The following GRID2 variants were observed in gnomAD, a reference collection of about 807,000 sequenced individuals.
GRID2 encodes glutamate ionotropic receptor delta type subunit 2, also known as glutamate receptor ionotropic, delta-2.
GRID2 carries 33 observed loss-of-function variants against 114.8 expected under a neutral mutation model. The ratio of observed to expected loss-of-function variants is 0.29; its 90% CI spans 0.22 to 0.38. The LOEUF (loss-of-function observed/expected upper bound fraction) is 0.38, where lower values mean the gene tolerates loss of function less well. GRID2 is among the 10% of genes least tolerant of loss of function. GRID2 has a pLI of 1.00. For missense variants in GRID2, 1,184 were observed against 1,257.7 expected, an observed-to-expected ratio of 0.94 and a Z score of 0.89; for synonymous variants, 505 against 449.9, an observed-to-expected ratio of 1.12 and a Z score of -1.55.
At chr4:92,315,356 C>T (rs1175569025) in intron 1 of GRID2, among the ~76,000 whole-genome samples, 1 of 151,980 alleles carries the variant, frequency 6.6e-6, no homozygotes, top group East Asian at 1.9e-4. Flanking sequence ...GGGTAGGAGT[C>T]TTATAGTTTG....
chr4:92,666,901 G>A (rs1600321), intron 2 of GRID2, among the ~76,000 whole-genome samples: 151,317 of 151,404 alleles, frequency 1, 75,615 homozygotes, highest in Middle Eastern at 1. Context: ...TAGCAAGAGT[G>A]GGTGCCTGCC....
chr4:92,458,809 C>T (rs985491490), intron 1 of GRID2, among the ~76,000 whole-genome samples: 7 of 152,070 alleles, frequency 4.6e-5, no homozygotes, highest in Admixed American at 4.6e-4. Flanking sequence ...TGTCAGAGTT[C>T]AAAATCTATT....
chr4:93,441,963 G>A lies in GRID2; in HGVS notation c.1546-13699G>A, dbSNP rs141538346. On this transcript the variant is annotated intron_variant, in intron 10 of 15. Transcript: ENST00000282020. ...TCCCTCTAGCAGTGTGAGGACATCT[G>A]AGTGTCTCTCCTACTCATTTTATAT... 4.9e-3 allele frequency among the ~76,000 whole-genome samples: 746 copies of A among 152,114 alleles called. 3 individuals are homozygous for A. The highest frequency in any genetic ancestry group is 8.7e-3 in the Non-Finnish European group (588 of 67,954).
chr4:93,628,795 C>A (rs1742973170), intron 14 of GRID2, among the ~76,000 whole-genome samples: 1 of 125,838 alleles, frequency 7.9e-6, no homozygotes, highest in Non-Finnish European at 1.6e-5. Flanking sequence ...GACATTGTTT[C>A]GCTCTTGTCA....
intron 8 of GRID2, among the ~76,000 whole-genome samples, chr4:93,266,871 A>G (rs1156322175): frequency 6.6e-6 from 1 of 152,178 alleles, no homozygotes; most frequent in Admixed American, 6.5e-5. Flanking sequence ...TGGCATAGAA[A>G]GATTACAAAT....
chr4:93,456,828 C>A (rs911385620), intron 11 of GRID2, among the ~76,000 whole-genome samples: 3 of 152,158 alleles, frequency 2.0e-5, no homozygotes, highest in African/African-American at 7.2e-5. Flanking sequence ...CATTTAACTT[C>A]ATTTTTCTAT....
chr4:92,453,121 C>T (rs1721029062), intron 1 of GRID2, among the ~76,000 whole-genome samples: 1 of 151,720 alleles, frequency 6.6e-6, no homozygotes, highest in African/African-American at 2.4e-5. Context: ...CAGAATTTAT[C>T]ATGCAAGAGA....
At chr4:93,321,321 A>G (rs961452778) in intron 8 of GRID2, among the ~76,000 whole-genome samples, 1 of 151,768 alleles carries the variant, frequency 6.6e-6, no homozygotes, top group Admixed American at 6.6e-5. Flanking sequence ...CCCTAATTAT[A>G]AAAAAAAGCC....
In GRID2 at chr4:92,558,648, TG is replaced by T. The variant is rs572246299; in HGVS notation, c.89-31482del. On this transcript the variant is annotated intron_variant, in intron 1 of 15. Coordinates refer to ENST00000282020, the MANE Select transcript of GRID2 (RefSeq NM_001510.4). ...ACCTCTAATCTCTTTAATATTTCTT[TG>T]TTTTGTTGTGCTTTTATCAAAGGCA... Among the ~76,000 whole-genome samples, 133 of 152,262 alleles carry T rather than the reference TG, an allele frequency of 8.7e-4. 1 individual carries two copies. The highest frequency in any genetic ancestry group is 3.0e-3 in the African/African-American group (125 of 41,568).
chr4:93,502,484 C>T (rs1728207216), intron 12 of GRID2, among the ~76,000 whole-genome samples: 1 of 151,866 alleles, frequency 6.6e-6, no homozygotes, highest in East Asian at 1.9e-4. Flanking sequence ...AAAAAAAAAT[C>T]CTTTTTTGTC....
intron 1 of GRID2, among the ~76,000 whole-genome samples, chr4:92,444,523 A>G (rs1169638515): frequency 6.6e-6 from 1 of 152,044 alleles, no homozygotes; most frequent in East Asian, 1.9e-4. Flanking sequence ...TTTGTGGTGG[A>G]ATGTCATCAG....
chr4:92,526,749 C>G (rs1332842054), intron 1 of GRID2, among the ~76,000 whole-genome samples: 3 of 151,840 alleles, frequency 2.0e-5, no homozygotes, highest in Non-Finnish European at 4.4e-5. Flanking sequence ...CACACACACA[C>G]AAACACACGC....
chr4:92,959,910 T>C (rs1429231925), intron 2 of GRID2, among the ~76,000 whole-genome samples: 2 of 151,876 alleles, frequency 1.3e-5, no homozygotes, highest in Admixed American at 1.3e-4. Flanking sequence ...ATGTAGATGA[T>C]GGGTTGATGA....
intron 2 of GRID2, among the ~76,000 whole-genome samples, chr4:92,648,961 C>G (rs1351579175): frequency 8.5e-6 from 1 of 117,810 alleles, no homozygotes; most frequent in Non-Finnish European, 1.8e-5. Context: ...ATGTGTAGAA[C>G]TAGCTGATAT....
At chr4:93,101,020 C>T (rs1176626702) in intron 3 of GRID2, among the ~76,000 whole-genome samples, 1 of 151,964 alleles carries the variant, frequency 6.6e-6, no homozygotes, top group Non-Finnish European at 1.5e-5. Context: ...ATAATATACT[C>T]CATGAGGGCA....
intron 1 of GRID2, among the ~76,000 whole-genome samples, chr4:92,323,866 G>T (rs1726456291): frequency 1.3e-5 from 2 of 151,938 alleles, no homozygotes; most frequent in African/African-American, 4.8e-5. Context: ...TGGCTCAAAT[G>T]CTTCACAGGT....
chr4:93,517,420 T>C (rs1729842173), intron 13 of GRID2, among the ~76,000 whole-genome samples: 1 of 152,094 alleles, frequency 6.6e-6, no homozygotes, highest in South Asian at 2.1e-4. Flanking sequence ...TTATACCATG[T>C]TGATTCAGTT....
At chr4:92,735,613 A>G (rs1736553321) in intron 2 of GRID2, among the ~76,000 whole-genome samples, 1 of 152,138 alleles carries the variant, frequency 6.6e-6, no homozygotes, top group South Asian at 2.1e-4. Context: ...TTAATTAACT[A>G]CACTCTTTGA....
chr4:92,568,161 C>T (rs144168692), intron 1 of GRID2, among the ~76,000 whole-genome samples: 18 of 151,852 alleles, frequency 1.2e-4, no homozygotes, highest in African/African-American at 3.1e-4. Context: ...GAAGGAATAA[C>T]GAGATCAGGA....
Sources: gnomAD v4.1 joint callset for allele counts (sites outside exome capture counted in the v4.1 genomes callset) on GRCh38, gnomAD v4.1.1 for gene constraint, MANE v1.5 for transcripts, NCBI Gene and HGNC (gene_info 2026-07-23, HGNC 2026-07-21) for gene names.